Variants in USP19 observed in about 807,000 individuals in gnomAD.
The protein encoded by USP19 is ubiquitin carboxyl-terminal hydrolase 19.
Under a neutral mutation model 144.8 loss-of-function variants are expected in USP19, and 40 were observed. That is an observed-to-expected ratio of 0.28 (90% confidence interval 0.21 to 0.36). The LOEUF (loss-of-function observed/expected upper bound fraction) is 0.36. Among genes scored for constraint, USP19 ranks in the 10% least tolerant of loss-of-function variants. USP19 has a pLI of 1.00. For missense variants in USP19, 1,518 were observed against 1,822.5 expected, an observed-to-expected ratio of 0.83 and a Z score of 3.04; for synonymous variants, 701 against 709.3, an observed-to-expected ratio of 0.99 and a Z score of 0.19.
chr3:49,109,303 G>T, intron 26 of USP19: 1 of 1,256,420 alleles, frequency 8.0e-7, no homozygotes. Context: ...CTGCATTCTA[G>T]ATCAAACAGC....
rs72936820 is a variant in USP19, at chr3:49,108,825, C to G, written c.4039-297G>C. ...TAGGATACTCTGCCCCTGCAGGGGC[C>G]ACAACCTCCCCACCCTCTCCCACCA... On this transcript the variant is annotated intron_variant, in intron 26 of 26. Coordinates refer to ENST00000417901, the MANE Select transcript of USP19 (RefSeq NM_001199161.2). This position sits in a 1 kb window ranked among gnomAD's most constrained non-coding sequence, Gnocchi z 4.8. 4.8e-4 allele frequency: 696 copies of G among 1,446,928 alleles called. 2 individuals are homozygous for G. In the African/African-American group the frequency reaches 9.0e-3, roughly 19 times the overall value. The allele number at this position is 1,446,928 out of a possible 1,614,324, so 89.6% of individuals were successfully genotyped here.
At chr3:49,113,081 C>T (rs1266879674) in intron 17 of USP19, among the ~76,000 whole-genome samples, 1 of 152,050 alleles carries the variant, frequency 6.6e-6, no homozygotes, top group African/African-American at 2.4e-5. Flanking sequence ...AGAGGCAGAG[C>T]GAACATAGGG....
Position 49,116,166 on chromosome 3 carries a change from T to G in USP19, c.1356-4A>C. The G allele has an allele frequency of 6.2e-7, 1 of 1,613,678 alleles. No homozygotes were observed. Among genetic ancestry groups the G allele is most frequent in the Non-Finnish European group, 8.5e-7 (1 of 1,179,866 alleles). On this transcript the variant is annotated splice_region_variant and splice_polypyrimidine_tract_variant and intron_variant, in intron 9 of 26. Coordinates refer to ENST00000417901, the MANE Select transcript of USP19 (RefSeq NM_001199161.2). This position sits in a 1 kb window ranked among gnomAD's most constrained non-coding sequence, Gnocchi z 5.0. Reference sequence around the variant, plus strand: ...CTGCTCTGGCTCAATCAGATTCCTGTGGGAAAAGGCTGAACTCAGGGACTT... The same window carrying G: ...CTGCTCTGGCTCAATCAGATTCCTGGGGGAAAAGGCTGAACTCAGGGACTT...
In USP19 at chr3:49,116,267, G is replaced by A. The variant is rs140057720; in HGVS notation, c.1355+13C>T. ...GTAGGACAGGCACAGTGGTGGGGCC[G>A]GGCACCACCCACCTGAGCTTCACCT... is the stretch of plus-strand genomic sequence containing the variant. On this transcript the variant is annotated intron_variant, in intron 9 of 26. Coordinates refer to ENST00000417901, the MANE Select transcript of USP19 (RefSeq NM_001199161.2). This position sits in a 1 kb window ranked among gnomAD's most constrained non-coding sequence, Gnocchi z 5.0. 4.2e-3 allele frequency: 6,754 copies of A among 1,613,312 alleles called. 91 individuals carry two copies. Among genetic ancestry groups the A allele is most frequent in the Non-Finnish European group, 3.5e-3 (4,129 of 1,179,822 alleles).
chr3:49,112,752 C>A lies in USP19; in HGVS notation c.2506-123G>T. The A allele has an allele frequency of 7.4e-7, 1 of 1,352,338 alleles. No individual in the cohort carries two copies. The highest frequency in any genetic ancestry group is 9.9e-7 in the Non-Finnish European group (1 of 1,009,270). The allele number at this position is 1,352,338 out of a possible 1,614,324, so 83.8% of individuals were successfully genotyped here. Reference sequence around the variant, plus strand: ...TGGGCAGTGGTGAGGTCTGTAGGCCCAAATAGGCTTATGCCTCTGCTGGCA... The same window carrying A: ...TGGGCAGTGGTGAGGTCTGTAGGCCAAAATAGGCTTATGCCTCTGCTGGCA... On this transcript the variant is annotated intron_variant, in intron 17 of 26. Coordinates refer to ENST00000417901, the MANE Select transcript of USP19 (RefSeq NM_001199161.2). The surrounding 1 kb of genome is among the most constrained non-coding windows in gnomAD (Gnocchi z 4.9).
intron 1 of USP19, 51 bp from the exon 2 acceptor site, chr3:49,119,332 T>C: frequency 1.5e-6 from 1 of 683,464 alleles, no homozygotes; most frequent in Admixed American, 3.2e-5. Context: ...ACTTGCTCTT[T>C]AGCTACACCC....
In USP19 at chr3:49,108,300, G is replaced by C. The variant is rs2042636739; in HGVS notation, c.*112C>G. ...CTCCACACCCAAATCATACCCCTCA[G>C]CTTCCCATTGACAGAGCCAGTGTCC... On this transcript the variant is annotated 3_prime_UTR_variant, in exon 27 of 27. Coordinates refer to ENST00000417901, the MANE Select transcript of USP19 (RefSeq NM_001199161.2). This position sits in a 1 kb window ranked among gnomAD's most constrained non-coding sequence, Gnocchi z 4.8. The C allele has an allele frequency of 3.1e-6, 1 of 319,768 alleles. No homozygotes were observed. Among genetic ancestry groups the C allele is most frequent in the South Asian group, 5.4e-5 (1 of 18,664 alleles). The allele number at this position is 319,768 out of a possible 1,614,324, so 19.8% of individuals were successfully genotyped here.
rs776966785 is a variant in USP19 at position 49,114,467 on chromosome 3, T to G, written c.2293-183A>C. On this transcript the variant is annotated intron_variant, in intron 15 of 26. Transcript: ENST00000417901. The surrounding 1 kb of genome is among the most constrained non-coding windows in gnomAD (Gnocchi z 4.5). ...CCACCAGGAAATAACAATCCTTCTT[T>G]CTGGCACTCAAAGCCCTACTCAGCT... Among the ~76,000 whole-genome samples the G allele has an allele frequency of 1.3e-5, 2 of 152,194 alleles. No homozygotes were observed. Among genetic ancestry groups the G allele is most frequent in the Non-Finnish European group, 2.9e-5 (2 of 68,044 alleles).
In USP19 at chr3:49,114,123, G is replaced by A. The variant is rs1166520437; in HGVS notation, c.2404-30C>T. The A allele has an allele frequency of 7.4e-6, 12 of 1,613,996 alleles. No homozygotes were observed. The highest frequency in any genetic ancestry group is 1.0e-5 in the Non-Finnish European group (12 of 1,179,964). On this transcript the variant is annotated intron_variant, in intron 16 of 26. Coordinates refer to ENST00000417901, the MANE Select transcript of USP19 (RefSeq NM_001199161.2). This position sits in a 1 kb window ranked among gnomAD's most constrained non-coding sequence, Gnocchi z 4.5. ...GGCAAAAAGGGCAGTCAGTGAGGGAGGTGGGCCACGTTCTCTAGAACAGCC... is the reference window on the plus strand; with the variant it reads ...GGCAAAAAGGGCAGTCAGTGAGGGAAGTGGGCCACGTTCTCTAGAACAGCC...
At position 49,116,037 on chromosome 3, in the gene USP19, G is replaced by C. The variant is rs758378880; in HGVS notation, c.1471+10C>G. 1 of 1,591,386 alleles carries C rather than the reference G, an allele frequency of 6.3e-7. No homozygotes were observed. Among genetic ancestry groups the C allele is most frequent in the South Asian group, 1.1e-5 (1 of 88,556 alleles). On this transcript the variant is annotated intron_variant, in intron 10 of 26. Transcript: ENST00000417901. The surrounding 1 kb of genome is among the most constrained non-coding windows in gnomAD (Gnocchi z 5.0). ...TGGAACTGGGCAATGAAGGGAGCTCGTGTGCAGACCTCGTGCAGCCGGGGC... is the reference window on the plus strand; with the variant it reads ...TGGAACTGGGCAATGAAGGGAGCTCCTGTGCAGACCTCGTGCAGCCGGGGC...
In USP19 at chr3:49,108,558, G is replaced by A. The variant is rs982868614; in HGVS notation, c.4039-30C>T. On this transcript the variant is annotated intron_variant, in intron 26 of 26. Transcript: ENST00000417901. The surrounding 1 kb of genome is among the most constrained non-coding windows in gnomAD (Gnocchi z 4.8). ...AACAGAATACGAGGACAGGGGTTGG[G>A]GGCTGCCCAGCATGCCGCCTGGCAT... 1.4e-5 allele frequency: 18 copies of A among 1,242,428 alleles called. No homozygotes were observed. The South Asian group carries it at 4.0e-4, about 28-fold the overall frequency. The allele number at this position is 1,242,428 out of a possible 1,614,324, so 77.0% of individuals were successfully genotyped here.
rs200130023 is a variant in USP19, at chr3:49,110,464, C to A, written c.3839G>T (p.Ser1280Ile). ...TACARLPNDR[S>I]SQRSDVGWRL... ...CTCACCCACGTCACTGCGCTGACTGCTACGATCATTGGGCAGGCGTGCACA... is the reference window on the plus strand; with the variant it reads ...CTCACCCACGTCACTGCGCTGACTGATACGATCATTGGGCAGGCGTGCACA... The change falls in exon 25 of 27, where the codon AGC becomes ATC. Residue 1280 changes from serine (S) to isoleucine (I), a missense_variant. Coordinates refer to ENST00000417901, the MANE Select transcript of USP19 (RefSeq NM_001199161.2). The surrounding 1 kb of genome is among the most constrained non-coding windows in gnomAD (Gnocchi z 6.1). The A allele has an allele frequency of 1.7e-4, 274 of 1,614,168 alleles. No individual in the cohort carries two copies. In the African/African-American group the frequency reaches 3.1e-3, roughly 18 times the overall value.
Position 49,116,413 on chromosome 3 carries a change from A to G in USP19, c.1283+38T>C, listed in dbSNP as rs1222645613. The G allele has an allele frequency of 2.4e-5, 39 of 1,613,900 alleles. 1 individual carries two copies. The Admixed American group carries it at 6.5e-4, about 27-fold the overall frequency. On this transcript the variant is annotated intron_variant, in intron 8 of 26. Transcript: ENST00000417901. The surrounding 1 kb of genome is among the most constrained non-coding windows in gnomAD (Gnocchi z 5.0). ...GGAAGAGCATGAGACATACTGTCCC[A>G]CCTGAGGCATTGTTTGCCCCATCAT...
chr3:49,117,752 T>C lies in USP19; in HGVS notation c.377A>G (p.Glu126Gly), dbSNP rs766902201. 3.7e-6 allele frequency: 6 copies of C among 1,614,084 alleles called. No homozygotes were observed. Among genetic ancestry groups the C allele is most frequent in the Non-Finnish European group, 5.1e-6 (6 of 1,180,026 alleles). ...LLLDWRQSAE[E>G]VIVKLRVGVG... ...TCCCACACGAAGCTTGACAATCACC[T>C]CTTCTGCACTCTGCCTCCAATCGAG... Residue 126 changes from glutamate to glycine, a missense_variant, in exon 4 of 27, where the codon GAG becomes GGG. By Grantham distance (98) the Glu-to-Gly change is moderately conservative. This residue lies in a region of USP19 where 707 missense variants were observed against 728.9 expected (regional missense o/e 0.97). Transcript: ENST00000417901. This position sits in a 1 kb window ranked among gnomAD's most constrained non-coding sequence, Gnocchi z 4.4.
rs77923560 is a variant in USP19, at chr3:49,112,658, G to T, written c.2506-29C>A. 3 of 1,600,234 alleles carry T rather than the reference G, an allele frequency of 1.9e-6. No individual in the cohort carries two copies. In the South Asian group the frequency reaches 3.4e-5, roughly 18 times the overall value. On this transcript the variant is annotated intron_variant, in intron 17 of 26. Coordinates refer to ENST00000417901, the MANE Select transcript of USP19 (RefSeq NM_001199161.2). The surrounding 1 kb of genome is among the most constrained non-coding windows in gnomAD (Gnocchi z 4.9). ...GGGACAGAGAACACACAGATCCCAC[G>T]TGAGGATAAGCCCTTTCCCTAGCCC...
Position 49,115,369 on chromosome 3 carries a change from T to C in USP19, c.1889-8A>G. Reference sequence around the variant, plus strand: ...CAGCCTCAAAGGAGCGGTCTAGGAATAGTAGCCGAGCAAAGGTGTGAGGAA... The same window carrying C: ...CAGCCTCAAAGGAGCGGTCTAGGAACAGTAGCCGAGCAAAGGTGTGAGGAA... On this transcript the variant is annotated splice_polypyrimidine_tract_variant and splice_region_variant and intron_variant, in intron 12 of 26. Transcript: ENST00000417901. This position sits in a 1 kb window ranked among gnomAD's most constrained non-coding sequence, Gnocchi z 6.6. 1 of 1,614,036 alleles carries C rather than the reference T, an allele frequency of 6.2e-7. No homozygotes were observed. Among genetic ancestry groups the C allele is most frequent in the Non-Finnish European group, 8.5e-7 (1 of 1,180,012 alleles).
chr3:49,118,050 G>A lies in USP19; in HGVS notation c.195C>T (p.Ala65=). The A allele has an allele frequency of 6.3e-7, 1 of 1,593,034 alleles. No individual in the cohort carries two copies. Among genetic ancestry groups the A allele is most frequent in the South Asian group, 1.1e-5 (1 of 88,258 alleles). Residue 65 remains alanine (A), a synonymous_variant, in exon 3 of 27, where the codon GCC becomes GCT. Coordinates refer to ENST00000417901, the MANE Select transcript of USP19 (RefSeq NM_001199161.2). ...PLASGDPSAS[A]SHAAGITGSR... is the part of the protein sequence containing the mutation. ...AGCCTGTGATCCCAGCTGCATGGGA[G>A]GCTGAGGCAGAAGGATCACCTGAGG...
In USP19 at chr3:49,115,684, C is replaced by T. The variant is rs747176825; in HGVS notation, c.1692+40G>A. On this transcript the variant is annotated intron_variant, in intron 11 of 26. Coordinates refer to ENST00000417901, the MANE Select transcript of USP19 (RefSeq NM_001199161.2). The surrounding 1 kb of genome is among the most constrained non-coding windows in gnomAD (Gnocchi z 6.6). ...ATGAGAGAACAGCCCCAAGACTCTC[C>T]AGCCTCCATTCTTCGTCCTTCCCAC... is the stretch of plus-strand genomic sequence containing the variant. 8.8e-5 allele frequency: 141 copies of T among 1,606,330 alleles called. No homozygotes were observed. The highest frequency in any genetic ancestry group is 1.2e-4 in the Non-Finnish European group (138 of 1,174,016).
Position 49,111,441 on chromosome 3 carries a change from C to A in USP19, c.3217+59G>T. 1.2e-6 allele frequency: 2 copies of A among 1,612,794 alleles called. No homozygotes were observed. The highest frequency in any genetic ancestry group is 1.7e-6 in the Non-Finnish European group (2 of 1,179,490). The stretch of plus-strand genomic sequence containing the variant: ...AGGCCCACCAGGCCCTAAACAACAG[C>A]CCCCTCCATCCTCCCTTATCCTCCT... On this transcript the variant is annotated intron_variant, in intron 21 of 26. Coordinates refer to ENST00000417901, the MANE Select transcript of USP19 (RefSeq NM_001199161.2). This position sits in a 1 kb window ranked among gnomAD's most constrained non-coding sequence, Gnocchi z 5.9.
Sources: allele counts gnomAD v4.1 joint callset (sites outside exome capture counted in the v4.1 genomes callset), GRCh38; gene constraint gnomAD v4.1.1; regional missense constraint gnomAD v4.1.1; non-coding constraint Gnocchi (gnomAD v3.1); transcripts MANE v1.5; gene names NCBI Gene and HGNC (gene_info 2026-07-23, HGNC 2026-07-21).